Variants in IMMP2L observed in about 807,000 individuals in gnomAD.
The protein encoded by IMMP2L is inner mitochondrial membrane peptidase subunit 2, also known as mitochondrial inner membrane protease subunit 2.
A neutral mutation model predicts 19.3 loss-of-function variants in IMMP2L; 18 were observed. The ratio of observed to expected loss-of-function variants is 0.93; its 90% CI spans 0.64 to 1.38. IMMP2L has a LOEUF of 1.38. IMMP2L is among the 40% of genes most tolerant of loss of function. IMMP2L has a pLI of 0.00. For missense variants in IMMP2L, 233 were observed against 218.2 expected, an observed-to-expected ratio of 1.07 and a Z score of -0.43; for synonymous variants, 76 against 73.0, an observed-to-expected ratio of 1.04 and a Z score of -0.21.
intron 3 of IMMP2L, among the ~76,000 whole-genome samples, chr7:111,057,829 T>G (rs536682059): frequency 4.9e-4 from 74 of 152,314 alleles, no homozygotes; most frequent in African/African-American, 1.8e-3. Flanking sequence ...TGTAAAAACT[T>G]CTTTCTTTAA....
At chr7:111,261,911 G>GCGC (rs1489790419) in intron 3 of IMMP2L, among the ~76,000 whole-genome samples, 1 of 152,094 alleles carries the variant, frequency 6.6e-6, no homozygotes, top group East Asian at 1.9e-4. Context: ...GGGATAGACT[G>GCGC]AAGAATATAA....
At chr7:111,228,867 T>C (rs531338948) in intron 3 of IMMP2L, among the ~76,000 whole-genome samples, 14 of 152,118 alleles carry the variant, frequency 9.2e-5, no homozygotes, top group Admixed American at 8.5e-4. Flanking sequence ...AATGGATATA[T>C]GTAAAAACAA....
chr7:110,769,196 C>T (rs184044815), intron 5 of IMMP2L, among the ~76,000 whole-genome samples: 120 of 152,220 alleles, frequency 7.9e-4, no homozygotes, highest in Non-Finnish European at 7.8e-4. Context: ...TTGTTATTTT[C>T]GTTACCTGCC....
chr7:110,975,287 C>T (rs1319196789), intron 3 of IMMP2L, among the ~76,000 whole-genome samples: 2 of 152,064 alleles, frequency 1.3e-5, no homozygotes, highest in African/African-American at 4.8e-5. Flanking sequence ...AGCTGTATAA[C>T]TACCCTTCTA....
intron 3 of IMMP2L, among the ~76,000 whole-genome samples, chr7:111,325,372 T>C (rs979474980): frequency 6.6e-6 from 1 of 151,688 alleles, no homozygotes; most frequent in South Asian, 2.1e-4. Context: ...TCAATCTTCT[T>C]GTATGCAGAT....
In IMMP2L at chr7:111,430,968, G is replaced by A. The variant is rs773432408; in HGVS notation, c.239+56270C>T. Among the ~76,000 whole-genome samples, 6 of 151,712 alleles carry A rather than the reference G, an allele frequency of 4.0e-5. 1 individual carries two copies. Among genetic ancestry groups the A allele is most frequent in the African/African-American group, 9.7e-5 (4 of 41,038 alleles). On this transcript the variant is annotated intron_variant, in intron 3 of 5. Transcript: ENST00000405709. ...CTAAAAATACAAAAATTAGTCAGAC[G>A]TGGTGGTGAGTGCCTGTAGGGCCAG...
At chr7:111,206,490 A>AC (rs1554395419) in intron 3 of IMMP2L, among the ~76,000 whole-genome samples, 1 of 151,492 alleles carries the variant, frequency 6.6e-6, no homozygotes, top group African/African-American at 2.4e-5. Flanking sequence ...TGCTCTTCAG[A>AC]TTTTTTTTTA....
intron 3 of IMMP2L, among the ~76,000 whole-genome samples, chr7:111,059,615 G>A (rs1793830837): frequency 6.6e-6 from 1 of 152,052 alleles, no homozygotes. Context: ...AAACATATAA[G>A]GCACTCAAAT....
At chr7:111,066,093 C>T (rs1261116545) in intron 3 of IMMP2L, among the ~76,000 whole-genome samples, 7 of 151,700 alleles carry the variant, frequency 4.6e-5, no homozygotes, top group African/African-American at 7.3e-5. Context: ...ATTCTCCTAC[C>T]GCAGCCTCCT....
intron 4 of IMMP2L, among the ~76,000 whole-genome samples, chr7:110,920,585 T>A (rs911609889): frequency 6.6e-6 from 1 of 152,242 alleles, no homozygotes; most frequent in African/African-American, 2.4e-5. Context: ...TTGAAAGTCC[T>A]AATGCTGAGA....
At position 111,448,117 on chromosome 7, in the gene IMMP2L, T is replaced by C. The variant is rs907231366; in HGVS notation, c.239+39121A>G. On this transcript the variant is annotated intron_variant, in intron 3 of 5. Transcript: ENST00000405709. ...CCCACACATTAATAATGGGAGACTT[T>C]AACACCCCACTGTCAACATTAGACA... 4.9e-4 allele frequency among the ~76,000 whole-genome samples: 68 copies of C among 139,960 alleles called. 1 individual carries two copies. The highest frequency in any genetic ancestry group is 2.0e-3 in the African/African-American group (65 of 32,506). The allele number at this position is 139,960 out of a possible 152,430, so 91.8% of individuals were successfully genotyped here. A position where few individuals can be genotyped will look rare whatever the true frequency, so the allele number is the denominator to read the frequency against.
chr7:110,815,547 G>C (rs1179049748), intron 5 of IMMP2L, among the ~76,000 whole-genome samples: 1 of 151,746 alleles, frequency 6.6e-6, no homozygotes, highest in Non-Finnish European at 1.5e-5. Context: ...AATGGTACCA[G>C]CTCCTCCTTG....
intron 3 of IMMP2L, among the ~76,000 whole-genome samples, chr7:111,074,834 T>A (rs1009117392): frequency 6.6e-6 from 1 of 152,198 alleles, no homozygotes; most frequent in Admixed American, 6.5e-5. Flanking sequence ...TACTTTTGGC[T>A]ACGATCAAAA....
At chr7:110,804,512 C>G (rs779715223) in intron 5 of IMMP2L, among the ~76,000 whole-genome samples, 1 of 151,894 alleles carries the variant, frequency 6.6e-6, no homozygotes, top group African/African-American at 2.4e-5. Context: ...TAATGCACAC[C>G]GAGTCCTGTG....
intron 3 of IMMP2L, among the ~76,000 whole-genome samples, chr7:111,264,071 C>T (rs1200032145): frequency 3.3e-5 from 5 of 152,110 alleles, no homozygotes; most frequent in Non-Finnish European, 7.4e-5. Context: ...AGTTATAATA[C>T]TCCATACTCA....
intron 1 of IMMP2L, among the ~76,000 whole-genome samples, chr7:111,547,720 TA>T (rs1213424407): frequency 4.3e-5 from 3 of 69,018 alleles, no homozygotes; most frequent in Non-Finnish European, 7.0e-5. Context: ...CACACCAGTC[TA>T]ATTTTTTTTT....
At chr7:111,307,126 T>C (rs370853722) in intron 3 of IMMP2L, among the ~76,000 whole-genome samples, 3 of 151,402 alleles carry the variant, frequency 2.0e-5, no homozygotes, top group Non-Finnish European at 4.4e-5. Context: ...ACCTCTATTA[T>C]ACAATCTTAA....
At chr7:111,015,816 A>G (rs771785718) in intron 3 of IMMP2L, among the ~76,000 whole-genome samples, 5 of 152,184 alleles carry the variant, frequency 3.3e-5, no homozygotes, top group Non-Finnish European at 7.4e-5. Context: ...ATTTAAAAAA[A>G]AAACTTTTCG....
intron 3 of IMMP2L, among the ~76,000 whole-genome samples, chr7:111,217,921 A>G (rs1214731402): frequency 3.3e-5 from 5 of 152,168 alleles, no homozygotes; most frequent in Non-Finnish European, 5.9e-5. Context: ...AGTCTTCGGT[A>G]TCTCTCTGGA....
Sources: allele counts gnomAD v4.1 joint callset (sites outside exome capture counted in the v4.1 genomes callset), GRCh38; gene constraint gnomAD v4.1.1; transcripts MANE v1.5; gene names NCBI Gene and HGNC (gene_info 2026-07-23, HGNC 2026-07-21).